TEP1: variants seen among roughly 807,000 people sequenced by gnomAD.
The protein encoded by TEP1 is telomerase associated protein 1.
Under a neutral mutation model 306.3 loss-of-function variants are expected in TEP1, and 241 were observed. The observed-to-expected ratio is 0.79, with a 90% CI of 0.71 to 0.88. The LOEUF (loss-of-function observed/expected upper bound fraction) is 0.88, where lower values mean the gene tolerates loss of function less well. Among genes scored for constraint, TEP1 ranks in the 40% least tolerant of loss-of-function variants. The pLI, the probability that TEP1 is intolerant of heterozygous loss-of-function variation, is 0.00. For synonymous variants in TEP1, 1,289 were observed against 1,305.5 expected, an observed-to-expected ratio of 0.99 and a Z score of 0.27; for missense variants, 3,051 against 3,276.1, an observed-to-expected ratio of 0.93 and a Z score of 1.68.
At position 20,372,372 on chromosome 14, in the gene TEP1, GTGTGTGTA is replaced by G. The variant is rs1483606131; in HGVS notation, c.7076+353_7076+360del. On this transcript the variant is annotated intron_variant, in intron 49 of 54. Coordinates refer to ENST00000262715, the MANE Select transcript of TEP1 (RefSeq NM_007110.5). Reference sequence around the variant, plus strand: ...TGAAGCCCCAGGAATATGTGTGTGTGTGTGTGTATGTGTGTGTGTGTGTGTGTGTGTGT... The same window carrying G: ...TGAAGCCCCAGGAATATGTGTGTGTGTGTGTGTGTGTGTGTGTGTGTGTGT... Among the ~76,000 whole-genome samples, 179 of 82,762 alleles carry G rather than the reference GTGTGTGTA, an allele frequency of 2.2e-3. 1 individual carries two copies. Among genetic ancestry groups the G allele is most frequent in the Middle Eastern group, 0.011 (2 of 188 alleles). The allele number at this position is 82,762 out of a possible 152,430, so 54.3% of individuals were successfully genotyped here. A position where few individuals can be genotyped will look rare whatever the true frequency, so the allele number is the denominator to read the frequency against.
At position 20,369,642 on chromosome 14, in the gene TEP1, C is replaced by T. The variant is rs557640593; in HGVS notation, c.7423+32G>A. ...TCTGCCATCCACCCTGGGCCATCTCCCGGCTCCTCAGGTCCTCCTGTTACC... is the reference window on the plus strand; with the variant it reads ...TCTGCCATCCACCCTGGGCCATCTCTCGGCTCCTCAGGTCCTCCTGTTACC... On this transcript the variant is annotated intron_variant, in intron 52 of 54. Coordinates refer to ENST00000262715, the MANE Select transcript of TEP1 (RefSeq NM_007110.5). The T allele has an allele frequency of 3.0e-5, 48 of 1,613,056 alleles. No homozygotes were observed. The Admixed American group carries it at 3.2e-4, about 11-fold the overall frequency.
chr14:20,395,852 A>T lies in TEP1; in HGVS notation c.1750+7T>A, dbSNP rs1346278044. 1 of 1,612,782 alleles carries T rather than the reference A, an allele frequency of 6.2e-7. No homozygotes were observed. Among genetic ancestry groups the T allele is most frequent in the East Asian group, 2.2e-5 (1 of 44,864 alleles). ...GCAAAGAGGAGTTGGAAGAAAGGGG[A>T]GAATACCTTGATTTCTGAGTTGAGC... On this transcript the variant is annotated splice_region_variant and intron_variant, in intron 11 of 54. Coordinates refer to ENST00000262715, the MANE Select transcript of TEP1 (RefSeq NM_007110.5).
chr14:20,369,551 A>G lies in TEP1; in HGVS notation c.7449T>C (p.Ser2483=), dbSNP rs755464199. 1.2e-6 allele frequency: 2 copies of G among 1,614,188 alleles called. No homozygotes were observed. The highest frequency in any genetic ancestry group is 1.1e-5 in the South Asian group (1 of 91,090). ...TGGCCAGGTTCCATAGGATCCCATC[A>G]GAGCTGGCACACAAAAATGAGGACT... is the stretch of plus-strand genomic sequence containing the variant. ...ESESSFLCAS[S]DGILWNLAKC... Residue 2483 remains serine, a synonymous_variant, in exon 53 of 55, where the codon TCT becomes TCC. Coordinates refer to ENST00000262715, the MANE Select transcript of TEP1 (RefSeq NM_007110.5).
chr14:20,375,701 G>T (rs1885133830), intron 43 of TEP1, 54 bp downstream of exon 43: 1 of 1,194,956 alleles, frequency 8.4e-7, no homozygotes, highest in Middle Eastern at 1.9e-4. Context: ...GGGGAGTGTT[G>T]TCTTGCCCCA....
At chr14:20,384,771 C>T in intron 21 of TEP1, 58 bp from the exon 22 acceptor site, 15 of 1,542,038 alleles carry the variant, frequency 9.7e-6, no homozygotes, top group Non-Finnish European at 1.3e-5. Context: ...AGCCTCCCTC[C>T]ACCAACCACC....
intron 28 of TEP1, 85 bp from the exon 29 acceptor site, chr14:20,382,441 G>A: frequency 6.4e-7 from 1 of 1,553,018 alleles, no homozygotes; most frequent in South Asian, 1.2e-5. Context: ...GCAGCAGGAG[G>A]ACAGTGTGGA....
chr14:20,377,178 G>T, intron 41 of TEP1, 102 bp downstream of exon 41: 2 of 976,992 alleles, frequency 2.0e-6, no homozygotes, highest in Non-Finnish European at 2.9e-6. Context: ...CCGTACCACT[G>T]CACTCTAGCC....
chr14:20,368,196 G>A lies in TEP1; in HGVS notation c.*241C>T. On this transcript the variant is annotated 3_prime_UTR_variant, in exon 55 of 55. Coordinates refer to ENST00000262715, the MANE Select transcript of TEP1 (RefSeq NM_007110.5). ...TTTCATTCACTTTCTTGTGGTTCTA[G>A]TAAGGATTAATGTTGAATAAGAAGA... 3.0e-6 allele frequency: 1 copy of A among 336,966 alleles called. No homozygotes were observed. Among genetic ancestry groups the A allele is most frequent in the Non-Finnish European group, 5.3e-6 (1 of 188,246 alleles). 20.9% of individuals were successfully genotyped at this position (336,966 alleles called of 1,614,324 possible).
At position 20,384,584 on chromosome 14, in the gene TEP1, A is replaced by C. The variant is rs749408845; in HGVS notation, c.3221+16T>G. On this transcript the variant is annotated intron_variant, in intron 22 of 54. Transcript: ENST00000262715. ...CCACATCTCTGTACAGGTGCTCCCTACCTCCCTCAGCTCACCTGCGGCAGG... is the reference window on the plus strand; with the variant it reads ...CCACATCTCTGTACAGGTGCTCCCTCCCTCCCTCAGCTCACCTGCGGCAGG... 6.2e-7 allele frequency: 1 copy of C among 1,612,976 alleles called. No individual in the cohort carries two copies. Among genetic ancestry groups the C allele is most frequent in the Non-Finnish European group, 8.5e-7 (1 of 1,179,574 alleles).
Position 20,407,953 on chromosome 14 carries a change from A to C in TEP1, c.487T>G (p.Ser163Ala). Residue 163 changes from serine (S) to alanine (A), a missense_variant, in exon 2 of 55, where the codon TCT becomes GCT. By Grantham distance (99) the Ser-to-Ala change is moderately conservative. Around this residue, in one of 3 missense-constraint regions of TEP1, gnomAD observed 1,507 missense variants for 1,550.5 expected, o/e 0.97. Transcript: ENST00000262715. The stretch of plus-strand genomic sequence containing the variant: ...CAGGTTGAAAGGTCTAGTCCCTTAG[A>C]GAAATGCTGAGCCCTCCAACTTGGA... ...EPPSWRAQHF[S>A]KGLDLSTCPI... 1 of 1,614,190 alleles carries C rather than the reference A, an allele frequency of 6.2e-7. No individual in the cohort carries two copies. Among genetic ancestry groups the C allele is most frequent in the Non-Finnish European group, 8.5e-7 (1 of 1,180,038 alleles).
In TEP1 at chr14:20,401,552, C is replaced by T; in HGVS notation, c.1296G>A (p.Glu432=). Residue 432 remains glutamate, a synonymous_variant, in exon 8 of 55, where the codon GAG becomes GAA. Transcript: ENST00000262715. ...GGGTGAACCTTGGAGGATTCTTTTT[C>T]TCTGACACTGTATCACCGGCCTTCT... The part of the protein sequence containing the change: ...KFEKAGDTVS[E]KKNPPRFTLK... The T allele has an allele frequency of 6.2e-7, 1 of 1,614,190 alleles. No homozygotes were observed. The highest frequency in any genetic ancestry group is 8.5e-7 in the Non-Finnish European group (1 of 1,180,044).
intron 5 of TEP1, 66 bp downstream of exon 5, chr14:20,404,545 A>C: frequency 1.3e-6 from 2 of 1,535,816 alleles, no homozygotes; most frequent in South Asian, 2.5e-5. Context: ...ATTTTCTCCA[A>C]GGATGCAGTG....
At chr14:20,410,018 CTCAAAAAAAAAAAAAA>C in intron 1 of TEP1, among the ~76,000 whole-genome samples, 1 of 28,260 alleles carries the variant, frequency 3.5e-5, no homozygotes, top group Non-Finnish European at 5.9e-5. Context: ...AAGACTCTGT[CTCAAAAAAAAAAAAAA>C]AAAAAAAAAA....
chr14:20,380,124 C>A, intron 34 of TEP1, 71 bp from the exon 35 acceptor site: 1 of 1,585,170 alleles, frequency 6.3e-7, no homozygotes, highest in Non-Finnish European at 8.6e-7. Flanking sequence ...TTATGTGCTT[C>A]TGTGCCTGGA....
At position 20,395,599 on chromosome 14, in the gene TEP1, C is replaced by G; in HGVS notation, c.1779G>C (p.Leu593=). The part of the protein sequence containing the change: ...QALPFPSNIT[L]MRRILTRNEK... Reference sequence around the variant, plus strand: ...CATTTCTAGTTAGTATCCGCCTCATCAGTGTTATATTCGAAGGAAAGGGCA... The same window carrying G: ...CATTTCTAGTTAGTATCCGCCTCATGAGTGTTATATTCGAAGGAAAGGGCA... Residue 593 remains leucine, a synonymous_variant, in exon 12 of 55, where the codon CTG becomes CTC. Transcript: ENST00000262715. 6.2e-7 allele frequency: 1 copy of G among 1,607,606 alleles called. No individual in the cohort carries two copies. Among genetic ancestry groups the G allele is most frequent in the Admixed American group, 1.7e-5 (1 of 59,896 alleles).
At chr14:20,402,915 T>C (rs1232359149) in intron 7 of TEP1, among the ~76,000 whole-genome samples, 1 of 152,062 alleles carries the variant, frequency 6.6e-6, no homozygotes, top group Non-Finnish European at 1.5e-5. Context: ...TTCCAGCACT[T>C]TGGGAGGTCA....
At position 20,381,897 on chromosome 14, in the gene TEP1, G is replaced by C. The variant is rs1318635274; in HGVS notation, c.4424+16C>G. 7 of 1,613,108 alleles carry C rather than the reference G, an allele frequency of 4.3e-6. No homozygotes were observed. Among genetic ancestry groups the C allele is most frequent in the African/African-American group, 4.0e-5 (3 of 74,906 alleles). ...GCACAGAGAGGTCAGCGGGAGCTCT[G>C]CTGGGGCACCTGTACCTGCGCAGAC... On this transcript the variant is annotated intron_variant, in intron 30 of 54. Coordinates refer to ENST00000262715, the MANE Select transcript of TEP1 (RefSeq NM_007110.5). The surrounding 1 kb of genome is among the most constrained non-coding windows in gnomAD (Gnocchi z 4.0).
chr14:20,411,110 G>A (rs143541421), intron 1 of TEP1, among the ~76,000 whole-genome samples: 116 of 152,092 alleles, frequency 7.6e-4, no homozygotes, highest in South Asian at 1.5e-3. Flanking sequence ...GTGAGCCACC[G>A]CACCCAGCCT....
chr14:20,377,360 T>C lies in TEP1; in HGVS notation c.6008A>G (p.Gln2003Arg). The part of the protein sequence containing the change: ...QGWALKECSL[Q>R]SLWLLSRFQK... ...GAATCTGGACAGGAGCCAGAGGGAC[T>C]GAAGGGAGCATTCCTTGAGTGCCCA... Residue 2003 changes from glutamine to arginine, a missense_variant, in exon 41 of 55, where the codon CAG (glutamine) becomes CGG (arginine). Physicochemically the swap from Gln to Arg is conservative, Grantham distance 43. This residue lies in a region of TEP1 where 1,540 missense variants were observed against 1,705.9 expected (regional missense o/e 0.90). Coordinates refer to ENST00000262715, the MANE Select transcript of TEP1 (RefSeq NM_007110.5). 6.2e-7 allele frequency: 1 copy of C among 1,614,174 alleles called. No homozygotes were observed.
Sources: gnomAD v4.1 joint callset for allele counts (sites outside exome capture counted in the v4.1 genomes callset) on GRCh38, gnomAD v4.1.1 for gene constraint, gnomAD v4.1.1 regional missense constraint, Gnocchi (gnomAD v3.1) non-coding constraint, MANE v1.5 for transcripts, NCBI Gene and HGNC (gene_info 2026-07-23, HGNC 2026-07-21) for gene names.